The following ALDH7A1 variants were observed in gnomAD, a reference collection of about 807,000 sequenced individuals.
ALDH7A1 encodes aldehyde dehydrogenase 7 family member A1, also known as alpha-aminoadipic semialdehyde dehydrogenase.
In ALDH7A1, 63 loss-of-function variants were observed where a neutral mutation model predicts 79.9. The observed-to-expected ratio is 0.79, with a 90% CI of 0.64 to 0.97. ALDH7A1 has a LOEUF of 0.97. ALDH7A1 is among the 50% of genes least tolerant of loss of function. The probability of loss-of-function intolerance (pLI) is 0.00; values close to 1 mark genes in which losing one functional copy is unlikely to be tolerated. For synonymous variants in ALDH7A1, 240 were observed against 231.2 expected (o/e 1.04, Z -0.34); for missense variants, 627 against 665.2 (o/e 0.94, Z 0.63).
In ALDH7A1 at chr5:126,554,324, G is replaced by A; in HGVS notation, c.1163C>T (p.Ala388Val). 6.2e-7 allele frequency: 1 copy of A among 1,614,036 alleles called. No homozygotes were observed. Among genetic ancestry groups the A allele is most frequent in the Non-Finnish European group, 8.5e-7 (1 of 1,180,008 alleles). Residue 388 changes from alanine (A) to valine (V), a missense_variant, in exon 13 of 18, where the codon GCA becomes GTA. Ala to Val is a moderately conservative substitution (Grantham distance 64). Coordinates refer to ENST00000409134, the MANE Select transcript of ALDH7A1 (RefSeq NM_001182.5). ...VSMFLGAVEE[A>V]KKEGGTVVYG... ...GACCACTGTGCCACCTTCTTTCTTT[G>A]CTTCTTCCACTGCTCCAAGAAACAT...
intron 5 of ALDH7A1, among the ~76,000 whole-genome samples, chr5:126,579,566 C>T (rs927408090): frequency 2.0e-5 from 3 of 152,002 alleles, no homozygotes; most frequent in African/African-American, 4.8e-5. Context: ...GTAGACTACC[C>T]GGCACCTGAT....
At chr5:126,549,636 T>C (rs1290833921) in intron 16 of ALDH7A1, 6 of 334,534 alleles carry the variant, frequency 1.8e-5, no homozygotes, top group Non-Finnish European at 1.1e-5. Context: ...ATTCTTAATC[T>C]TTTTTGGGTC....
At chr5:126,555,769 G>A (rs1013701211) in intron 12 of ALDH7A1, among the ~76,000 whole-genome samples, 162 bp downstream of exon 12, 3 of 152,118 alleles carry the variant, frequency 2.0e-5, no homozygotes, top group African/African-American at 2.4e-5. Context: ...AGCCAGGGTC[G>A]AAACCTAGGA....
intron 5 of ALDH7A1, among the ~76,000 whole-genome samples, chr5:126,577,540 C>G (rs781385706): frequency 6.6e-6 from 1 of 152,112 alleles, no homozygotes; most frequent in Non-Finnish European, 1.5e-5. Flanking sequence ...AAGGGCAGAA[C>G]ATGACCAGGG....
At chr5:126,578,005 C>T (rs1220806103) in intron 5 of ALDH7A1, among the ~76,000 whole-genome samples, 2 of 151,408 alleles carry the variant, frequency 1.3e-5, no homozygotes, top group Non-Finnish European at 2.9e-5. Flanking sequence ...ATTATGCAGG[C>T]CGGGCGTGGT....
At position 126,555,940 on chromosome 5, in the gene ALDH7A1, G is replaced by A. The variant is rs532800318; in HGVS notation, c.1084C>T (p.Pro362Ser). The A allele has an allele frequency of 2.7e-5, 44 of 1,612,664 alleles. No homozygotes were observed. In the East Asian group the frequency reaches 9.8e-4, roughly 36 times the overall value. The change falls in exon 12 of 18, where the codon CCA becomes TCA. Residue 362 changes from proline (P) to serine (S), a missense_variant. By Grantham distance (74) the Pro-to-Ser change is moderately conservative. Coordinates refer to ENST00000409134, the MANE Select transcript of ALDH7A1 (RefSeq NM_001182.5). ...KAYAQIRVGN[P>S]WDPNVLYGPL... is the part of the protein sequence containing the mutation. Reference sequence around the variant, plus strand: ...AGAAGGAGATACTCACGGTCCCATGGGTTCCCAACTCGGATCTGTGCATAG... The same window carrying A: ...AGAAGGAGATACTCACGGTCCCATGAGTTCCCAACTCGGATCTGTGCATAG...
At chr5:126,570,525 C>T (rs949491514) in intron 8 of ALDH7A1, 14 of 426,890 alleles carry the variant, frequency 3.3e-5, no homozygotes, top group Non-Finnish European at 2.2e-5. Flanking sequence ...CCCCCCATTA[C>T]AGCAGTTTGT....
At chr5:126,568,431 C>T in intron 8 of ALDH7A1, 75 bp from the exon 9 acceptor site, 1 of 1,213,746 alleles carries the variant, frequency 8.2e-7, no homozygotes. Context: ...GTACCCAGCA[C>T]TGAAGTGCCC....
chr5:126,564,690 A>G (rs1750509726), intron 9 of ALDH7A1: 1 of 546,594 alleles, frequency 1.8e-6, no homozygotes. Flanking sequence ...CTCTGCTGCA[A>G]TCATTGAATT....
At chr5:126,591,747 T>G (rs1751559636) in intron 3 of ALDH7A1, among the ~76,000 whole-genome samples, 1 of 152,048 alleles carries the variant, frequency 6.6e-6, no homozygotes, top group Non-Finnish European at 1.5e-5. Context: ...CTCAGGAGCC[T>G]AGCTCCCACC....
rs200634440 is a variant in ALDH7A1 at position 126,545,246 on chromosome 5, GT to G, written c.1566-228del. Among the ~76,000 whole-genome samples the G allele has an allele frequency of 7.3e-3, 1,109 of 151,722 alleles. 16 individuals are homozygous for G. Among genetic ancestry groups the G allele is most frequent in the African/African-American group, 0.026 (1,064 of 41,416 alleles). Reference sequence around the variant, plus strand: ...AATCTGGAAAGACATACCATACATGGTTTTTTTTGTTGGTGGTGGTTTTTGT... The same window carrying G: ...AATCTGGAAAGACATACCATACATGGTTTTTTTGTTGGTGGTGGTTTTTGT... On this transcript the variant is annotated intron_variant, in intron 17 of 17. Transcript: ENST00000409134.
intron 12 of ALDH7A1, 69 bp downstream of exon 12, chr5:126,555,862 A>C (rs1342398832): frequency 1.6e-6 from 2 of 1,289,384 alleles, no homozygotes; most frequent in Non-Finnish European, 2.3e-6. Flanking sequence ...TCCAAAACTC[A>C]GATCAGAAAC....
At chr5:126,583,134 A>T (rs1751230602) in intron 4 of ALDH7A1, among the ~76,000 whole-genome samples, 160 bp from the exon 5 acceptor site, 1 of 152,248 alleles carries the variant, frequency 6.6e-6, no homozygotes, top group Non-Finnish European at 1.5e-5. Flanking sequence ...AATTGCCTTC[A>T]CTTTTTCCTG....
chr5:126,578,949 C>T (rs1751078183), intron 5 of ALDH7A1, among the ~76,000 whole-genome samples: 1 of 152,024 alleles, frequency 6.6e-6, no homozygotes, highest in African/African-American at 2.4e-5. Context: ...AATCTGGGCA[C>T]CTTAATCCCT....
Position 126,593,408 on chromosome 5 carries a change from A to G in ALDH7A1, c.193-4T>C. 6.2e-7 allele frequency: 1 copy of G among 1,613,972 alleles called. No homozygotes were observed. Among genetic ancestry groups the G allele is most frequent in the South Asian group, 1.1e-5 (1 of 91,068 alleles). ...CAGGGCAATAGGTCGTAATAACCTT[A>G]AAACAAAAGGATGATGATCATGTAT... On this transcript the variant is annotated splice_polypyrimidine_tract_variant and splice_region_variant and intron_variant, in intron 1 of 17. Transcript: ENST00000409134.
At chr5:126,579,173 T>C (rs981340322) in intron 5 of ALDH7A1, among the ~76,000 whole-genome samples, 1 of 152,242 alleles carries the variant, frequency 6.6e-6, no homozygotes, top group Non-Finnish European at 1.5e-5. Context: ...TTCCACTCTA[T>C]CTGCCCTACC....
intron 17 of ALDH7A1, among the ~76,000 whole-genome samples, chr5:126,545,892 C>G (rs1318789396): frequency 1.3e-5 from 2 of 151,976 alleles, no homozygotes; most frequent in Non-Finnish European, 2.9e-5. Flanking sequence ...GCAGGCAGAT[C>G]ACCTGAGGTC....
rs894016061 is a variant in ALDH7A1, at chr5:126,554,343, G to A, written c.1144C>T (p.Leu382Phe). The A allele has an allele frequency of 6.8e-6, 11 of 1,613,984 alleles. No homozygotes were observed. The highest frequency in any genetic ancestry group is 8.5e-6 in the Non-Finnish European group (10 of 1,180,034). The change falls in exon 13 of 18, where the codon CTT becomes TTT. Residue 382 changes from leucine to phenylalanine, a missense_variant. Physicochemically the swap from Leu to Phe is conservative, Grantham distance 22. Transcript: ENST00000409134. ...LHTKQAVSMF[L>F]GAVEEAKKEG... ...TTCTTTGCTTCTTCCACTGCTCCAA[G>A]AAACATGCTCACTGCCTGCTTGGTG... is the stretch of plus-strand genomic sequence containing the variant.
At position 126,572,549 on chromosome 5, in the gene ALDH7A1, A is replaced by T. The variant is rs751127467; in HGVS notation, c.696-1690T>A. On this transcript the variant is annotated intron_variant, in intron 7 of 17. Coordinates refer to ENST00000409134, the MANE Select transcript of ALDH7A1 (RefSeq NM_001182.5). Reference sequence around the variant, plus strand: ...TCAGAGTGTCATCAATGTTTCTTAGACAACCCGGCTTATGGTAAAAATGAT... The same window carrying T: ...TCAGAGTGTCATCAATGTTTCTTAGTCAACCCGGCTTATGGTAAAAATGAT... 2.0e-5 allele frequency among the ~76,000 whole-genome samples: 3 copies of T among 152,224 alleles called. No individual in the cohort carries two copies. The South Asian group carries it at 6.2e-4, about 32-fold the overall frequency.
Sources: gnomAD v4.1 joint callset for allele counts (sites outside exome capture counted in the v4.1 genomes callset) on GRCh38, gnomAD v4.1.1 for gene constraint, MANE v1.5 for transcripts, NCBI Gene and HGNC (gene_info 2026-07-23, HGNC 2026-07-21) for gene names.